Variants in VPS35L observed in about 807,000 individuals in gnomAD.
The protein encoded by VPS35L is VPS35 endosomal protein sorting factor like.
VPS35L carries 83 observed loss-of-function variants against 133.0 expected under a neutral mutation model. That is an observed-to-expected ratio of 0.62 (90% confidence interval 0.52 to 0.75). The LOEUF (loss-of-function observed/expected upper bound fraction) is 0.75. VPS35L is among the 30% of genes least tolerant of loss of function. VPS35L has a pLI of 0.00. For missense variants in VPS35L, 1,083 were observed against 1,206.8 expected, an observed-to-expected ratio of 0.90 and a Z score of 1.52; for synonymous variants, 423 against 449.9, an observed-to-expected ratio of 0.94 and a Z score of 0.76.
At chr16:19,559,167 G>C (rs1236986435) in intron 1 of VPS35L, among the ~76,000 whole-genome samples, 1 of 152,166 alleles carries the variant, frequency 6.6e-6, no homozygotes, top group Non-Finnish European at 1.5e-5. Flanking sequence ...TGGGATTTCT[G>C]TGTATCCATA....
At position 19,633,440 on chromosome 16, in the gene VPS35L, G is replaced by C. The variant is rs1973521324; in HGVS notation, c.1635+268G>C. 6.6e-6 allele frequency among the ~76,000 whole-genome samples: 1 copy of C among 152,194 alleles called. No individual in the cohort carries two copies. Among genetic ancestry groups the C allele is most frequent in the Non-Finnish European group, 1.5e-5 (1 of 68,026 alleles). On this transcript the variant is annotated intron_variant, in intron 19 of 30. Coordinates refer to ENST00000417362, the MANE Select transcript of VPS35L (RefSeq NM_020314.7). The surrounding 1 kb of genome is among the most constrained non-coding windows in gnomAD (Gnocchi z 4.1). ...CCCTCACACAGTGGCCTGGCACGTG[G>C]TAAATGCTCAATAAGCGTTGTCTTC...
rs1465827134 is a variant in VPS35L, at chr16:19,564,886, C to T, written c.53C>T (p.Ala18Val). 1.2e-6 allele frequency: 2 copies of T among 1,613,232 alleles called. No individual in the cohort carries two copies. The highest frequency in any genetic ancestry group is 1.6e-4 in the Middle Eastern group (1 of 6,078). ...AATAGGAACTACAAAGCTGAATTTG[C>T]ATCATGCCGACTGGAGGCTGTACCA... The part of the protein sequence containing the change: ...SRNRNYKAEF[A>V]SCRLEAVPLE... The change falls in exon 2 of 31, where the codon GCA (alanine) becomes GTA (valine). Residue 18 changes from alanine to valine, a missense_variant. By Grantham distance (64) the Ala-to-Val change is moderately conservative. Transcript: ENST00000417362.
At chr16:19,616,894 C>T (rs1972913745) in intron 14 of VPS35L, 86 bp downstream of exon 14, 2 of 1,562,618 alleles carry the variant, frequency 1.3e-6, no homozygotes, top group Non-Finnish European at 1.8e-6. Context: ...TTAATGGGAC[C>T]CTTTCATAAC....
rs1368825762 is a variant in VPS35L, at chr16:19,633,674, T to A, written c.1635+502T>A. 1.3e-5 allele frequency among the ~76,000 whole-genome samples: 2 copies of A among 152,198 alleles called. No homozygotes were observed. The highest frequency in any genetic ancestry group is 2.9e-5 in the Non-Finnish European group (2 of 68,042). ...GCTTATTGGAAAGTTAAAAGAAAGCTCAAAGAATTCCTATTATTCTTTAAC... is the reference window on the plus strand; with the variant it reads ...GCTTATTGGAAAGTTAAAAGAAAGCACAAAGAATTCCTATTATTCTTTAAC... On this transcript the variant is annotated intron_variant, in intron 19 of 30. Transcript: ENST00000417362. The surrounding 1 kb of genome is among the most constrained non-coding windows in gnomAD (Gnocchi z 4.1).
At chr16:19,612,327 C>T (rs1190628169) in intron 12 of VPS35L, among the ~76,000 whole-genome samples, 1 of 152,128 alleles carries the variant, frequency 6.6e-6, no homozygotes, top group African/African-American at 2.4e-5. Context: ...AATCTCAGCT[C>T]ACTGCAACCT....
chr16:19,564,460 G>A lies in VPS35L; in HGVS notation c.18-391G>A, dbSNP rs1350374005. Among the ~76,000 whole-genome samples, 3 of 151,886 alleles carry A rather than the reference G, an allele frequency of 2.0e-5. No homozygotes were observed. In the East Asian group the frequency reaches 5.8e-4, roughly 29 times the overall value. On this transcript the variant is annotated intron_variant, in intron 1 of 30. Transcript: ENST00000417362. ...GTGGCCCAGGCTGGAGTGGAGTGGT[G>A]TGATCTCAGTTCACCGTGACCTCCA...
intron 1 of VPS35L, 81 bp from the exon 2 acceptor site, chr16:19,564,770 T>G (rs895959804): frequency 9.8e-6 from 9 of 921,836 alleles, no homozygotes; most frequent in Non-Finnish European, 1.6e-5. Flanking sequence ...AACTACCTTG[T>G]CATTGAAGAA....
chr16:19,676,706 G>A (rs1468751975), intron 27 of VPS35L, among the ~76,000 whole-genome samples: 1 of 152,162 alleles, frequency 6.6e-6, no homozygotes. Context: ...ACAGCAAGTT[G>A]TCCAGGTCTA....
At chr16:19,608,390 G>A (rs924892257) in intron 10 of VPS35L, 116 bp downstream of exon 10, 37 of 795,660 alleles carry the variant, frequency 4.7e-5, no homozygotes, top group African/African-American at 8.7e-5. Context: ...GTTTGGTCCC[G>A]TTACGGTTGC....
At chr16:19,572,146 G>A (rs576048586) in intron 3 of VPS35L, among the ~76,000 whole-genome samples, 123 of 152,208 alleles carry the variant, frequency 8.1e-4, no homozygotes, top group Non-Finnish European at 1.1e-3. Flanking sequence ...TTGGCCAGGC[G>A]CAGTGGGTCA....
chr16:19,557,917 G>A (rs564964337), intron 1 of VPS35L, among the ~76,000 whole-genome samples: 2 of 152,150 alleles, frequency 1.3e-5, no homozygotes, highest in South Asian at 4.2e-4. Context: ...CAGGCATGAC[G>A]GCAGGTTCCT....
chr16:19,663,539 T>A (rs1177019021), intron 26 of VPS35L, among the ~76,000 whole-genome samples: 1 of 91,658 alleles, frequency 1.1e-5, no homozygotes, highest in Non-Finnish European at 2.3e-5. Context: ...CCCGCCACCC[T>A]CCCCCCCGAT....
chr16:19,627,796 T>C lies in VPS35L; in HGVS notation c.1374T>C (p.Gly458=). ...TGATTAAAGAGTGTGATGAATCTGG[T>C]TTCCCCAAGGTAGGCTCTTGACTTC... is the stretch of plus-strand genomic sequence containing the variant. The part of the protein sequence containing the change: ...IGMIKECDES[G]FPKHLLFRSL... The change falls in exon 16 of 31, where the codon GGT becomes GGC. Residue 458 remains glycine (G), a synonymous_variant. Transcript: ENST00000417362. 1 of 1,610,014 alleles carries C rather than the reference T, an allele frequency of 6.2e-7. No homozygotes were observed. The highest frequency in any genetic ancestry group is 8.5e-7 in the Non-Finnish European group (1 of 1,176,224).
At position 19,581,581 on chromosome 16, in the gene VPS35L, G is replaced by A. The variant is rs753780098; in HGVS notation, c.567G>A (p.Glu189=). The A allele has an allele frequency of 1.2e-6, 2 of 1,614,068 alleles. No individual in the cohort carries two copies. Among genetic ancestry groups the A allele is most frequent in the South Asian group, 1.1e-5 (1 of 91,080 alleles). Residue 189 remains glutamate, a synonymous_variant, in exon 7 of 31, where the codon GAG becomes GAA. Coordinates refer to ENST00000417362, the MANE Select transcript of VPS35L (RefSeq NM_020314.7). ...AGCAGGATTACGTGAACCGCATAGA[G>A]GAGCTCAACCAATCGCTGAAGGATG... ...LTQQDYVNRI[E]ELNQSLKDAW...
Position 19,674,184 on chromosome 16 carries a change from C to CTTTTTTTTTT in VPS35L, c.2361+4901_2361+4910dup, listed in dbSNP as rs201038834. On this transcript the variant is annotated intron_variant, in intron 27 of 30. Coordinates refer to ENST00000417362, the MANE Select transcript of VPS35L (RefSeq NM_020314.7). Reference sequence around the variant, plus strand: ...TACCTGGTTCAGTTTTTTTCTTTTTCTTTTTTTTTTTTTTTTTTTTTTTTT... The same window carrying CTTTTTTTTTT: ...TACCTGGTTCAGTTTTTTTCTTTTTCTTTTTTTTTTTTTTTTTTTTTTTTTTTTTTTTTTT... Among the ~76,000 whole-genome samples, 62 of 70,910 alleles carry CTTTTTTTTTT rather than the reference C, an allele frequency of 8.7e-4. 1 individual carries two copies. The highest frequency in any genetic ancestry group is 2.9e-3 in the African/African-American group (47 of 16,020). The allele number at this position is 70,910 out of a possible 152,430, so 46.5% of individuals were successfully genotyped here. A position where few individuals can be genotyped will look rare whatever the true frequency, so the allele number is the denominator to read the frequency against.
rs1974093204 is a variant in VPS35L at position 19,650,540 on chromosome 16, A to G, written c.2106+81A>G. On this transcript the variant is annotated intron_variant, in intron 25 of 30. Transcript: ENST00000417362. ...TGCAGGTTACTAAATTACATTTCCC[A>G]GAAAAAGATGAGTATGTCATGATAA... 2.6e-6 allele frequency: 3 copies of G among 1,137,392 alleles called. No individual in the cohort carries two copies. In the East Asian group the frequency reaches 7.1e-5, roughly 27 times the overall value. 70.5% of individuals were successfully genotyped at this position (1,137,392 alleles called of 1,614,324 possible).
chr16:19,630,485 C>T (rs1227350366), intron 18 of VPS35L, among the ~76,000 whole-genome samples: 1 of 152,002 alleles, frequency 6.6e-6, no homozygotes, highest in African/African-American at 2.4e-5. Context: ...AGGCGCCTGC[C>T]ACCACGCCTG....
At chr16:19,665,707 C>A (rs772638524) in intron 26 of VPS35L, among the ~76,000 whole-genome samples, 4 of 152,194 alleles carry the variant, frequency 2.6e-5, no homozygotes, top group Non-Finnish European at 4.4e-5. Flanking sequence ...GGTGGGATTG[C>A]TGGATCCTAT....
intron 14 of VPS35L, among the ~76,000 whole-genome samples, chr16:19,623,473 G>T (rs1468752848): frequency 1.3e-5 from 2 of 152,092 alleles, no homozygotes; most frequent in African/African-American, 4.8e-5. Context: ...TGATATTAGG[G>T]GTTAGGGCTC....
Sources: gnomAD v4.1 joint callset for allele counts (sites outside exome capture counted in the v4.1 genomes callset) on GRCh38, gnomAD v4.1.1 for gene constraint, Gnocchi (gnomAD v3.1) non-coding constraint, MANE v1.5 for transcripts, NCBI Gene and HGNC (gene_info 2026-07-23, HGNC 2026-07-21) for gene names.